The following TGM6 variants were observed in gnomAD, a reference collection of about 807,000 sequenced individuals.
TGM6 encodes protein-glutamine gamma-glutamyltransferase 6.
TGM6 carries 74 observed loss-of-function variants against 77.5 expected under a neutral mutation model. That is an observed-to-expected ratio of 0.96 (90% CI 0.79 to 1.16). The LOEUF (loss-of-function observed/expected upper bound fraction) is 1.16, where lower values mean the gene tolerates loss of function less well. Ranked by LOEUF, TGM6 falls within the 50% of genes most tolerant of loss-of-function variation. The probability of loss-of-function intolerance (pLI) is 0.00; values close to 1 mark genes in which losing one functional copy is unlikely to be tolerated. For missense variants in TGM6, 968 were observed against 940.2 expected (o/e 1.03, Z -0.39); for synonymous variants, 383 against 378.9 (o/e 1.01, Z -0.12).
At chr20:2,396,385 A>C in intron 3 of TGM6, 121 bp from the exon 4 acceptor site, 4 of 952,554 alleles carry the variant, frequency 4.2e-6, no homozygotes, top group South Asian at 3.9e-5. Context: ...CCCCCTCTTG[A>C]CCTCTCCTGC....
At chr20:2,402,608 G>A (rs905706284) in intron 7 of TGM6, among the ~76,000 whole-genome samples, 10 of 152,204 alleles carry the variant, frequency 6.6e-5, no homozygotes, top group African/African-American at 9.6e-5. Context: ...GTTGCCTGCC[G>A]AAGAGGAGTT....
intron 9 of TGM6, among the ~76,000 whole-genome samples, chr20:2,414,300 G>A (rs543706707): frequency 1.3e-5 from 2 of 152,260 alleles, no homozygotes; most frequent in African/African-American, 4.8e-5. Flanking sequence ...TGGCCAATAA[G>A]CACATAAAAA....
intron 1 of TGM6, among the ~76,000 whole-genome samples, chr20:2,391,470 C>T (rs992504857): frequency 6.6e-6 from 1 of 151,284 alleles, no homozygotes; most frequent in Non-Finnish European, 1.5e-5. Context: ...GAGTCTGATG[C>T]AGCCAGTGCA....
intron 10 of TGM6, among the ~76,000 whole-genome samples, chr20:2,427,919 A>G (rs907184313): frequency 4.6e-5 from 7 of 152,072 alleles, no homozygotes; most frequent in Non-Finnish European, 1.0e-4. Flanking sequence ...ACAAATTTTG[A>G]TAAGTTGTAG....
At chr20:2,395,743 A>G (rs1599948427) in intron 3 of TGM6, among the ~76,000 whole-genome samples, 1 of 152,174 alleles carries the variant, frequency 6.6e-6, no homozygotes. Context: ...ACCAGTCTCC[A>G]TTTCCTCATC....
At chr20:2,425,203 C>T (rs1254306049) in intron 10 of TGM6, among the ~76,000 whole-genome samples, 1 of 152,012 alleles carries the variant, frequency 6.6e-6, no homozygotes, top group African/African-American at 2.4e-5. Flanking sequence ...AAAATACCTG[C>T]TGGGTGTGGT....
intron 10 of TGM6, among the ~76,000 whole-genome samples, chr20:2,418,774 G>C (rs1217713363): frequency 6.6e-6 from 1 of 152,164 alleles, no homozygotes; most frequent in Non-Finnish European, 1.5e-5. Flanking sequence ...TATTCCAACT[G>C]TTTCTTTAAA....
intron 10 of TGM6, among the ~76,000 whole-genome samples, chr20:2,418,200 AG>A (rs1396098408): frequency 9.9e-5 from 15 of 152,140 alleles, no homozygotes; most frequent in Non-Finnish European, 1.9e-4. Flanking sequence ...TTTAGTAGAG[AG>A]GGGGTTTCAT....
intron 9 of TGM6, among the ~76,000 whole-genome samples, chr20:2,405,145 G>T (rs568002166): frequency 4.6e-5 from 7 of 152,244 alleles, no homozygotes; most frequent in African/African-American, 1.7e-4. Context: ...TTCCCACTCG[G>T]CCTCTCATGT....
intron 7 of TGM6, among the ~76,000 whole-genome samples, chr20:2,401,368 G>C (rs1461813682): frequency 6.6e-6 from 1 of 152,098 alleles, no homozygotes; most frequent in Non-Finnish European, 1.5e-5. Context: ...CACTATCACT[G>C]TCTGCTACAT....
At chr20:2,382,378 A>G (rs2122317587) in intron 1 of TGM6, among the ~76,000 whole-genome samples, 3 of 152,254 alleles carry the variant, frequency 2.0e-5, no homozygotes, top group Admixed American at 2.0e-4. Context: ...TGTTCCTCCA[A>G]GATCTGCTTC....
intron 7 of TGM6, among the ~76,000 whole-genome samples, chr20:2,403,005 T>C (rs2084721648): frequency 6.6e-6 from 1 of 152,214 alleles, no homozygotes; most frequent in Admixed American, 6.5e-5. Flanking sequence ...CTAGAGTAGG[T>C]CTATAGGGGT....
In TGM6 at chr20:2,424,231, A is replaced by G. The variant is rs546609022; in HGVS notation, c.1679-6215A>G. On this transcript the variant is annotated intron_variant, in intron 10 of 12. Transcript: ENST00000202625. ...GCCAGGCATTGACTTCTGTCCCGCTATGAAAGTCCTAGATGGCATCTTCTT... is the reference window on the plus strand; with the variant it reads ...GCCAGGCATTGACTTCTGTCCCGCTGTGAAAGTCCTAGATGGCATCTTCTT... Among the ~76,000 whole-genome samples the G allele has an allele frequency of 4.9e-4, 74 of 152,346 alleles. 2 individuals are homozygous for G. The South Asian group carries it at 0.013, about 26-fold the overall frequency.
intron 10 of TGM6, among the ~76,000 whole-genome samples, chr20:2,423,329 C>T (rs193075343): frequency 4.0e-4 from 60 of 151,876 alleles, no homozygotes; most frequent in African/African-American, 1.4e-3. Context: ...TGGAGTCAAT[C>T]CTCTCAAACC....
chr20:2,390,848 C>T (rs1599945096), intron 1 of TGM6, among the ~76,000 whole-genome samples: 1 of 152,136 alleles, frequency 6.6e-6, no homozygotes, highest in East Asian at 1.9e-4. Context: ...GAGTGATCCA[C>T]ATACAGGGAA....
Position 2,403,401 on chromosome 20 carries a change from TTCCATG to T in TGM6, c.997_1002del (p.His333_Val334del). ...CCCATCCTCTCTCTGTGGCAGGAAT[TTCCATG>T]TCTGGAATGAGAGCTGGTTTGCCCG... On this transcript the variant is annotated inframe_deletion, in exon 8 of 13. Transcript: ENST00000202625. 1 of 1,614,156 alleles carries T rather than the reference TTCCATG, an allele frequency of 6.2e-7. No individual in the cohort carries two copies. Among genetic ancestry groups the T allele is most frequent in the East Asian group, 2.2e-5 (1 of 44,868 alleles).
chr20:2,386,948 C>G (rs962730617), intron 1 of TGM6, among the ~76,000 whole-genome samples: 2 of 152,146 alleles, frequency 1.3e-5, no homozygotes, highest in African/African-American at 4.8e-5. Context: ...GCAACCTCGT[C>G]GTCTGCTTCT....
rs1470843234 is a variant in TGM6, at chr20:2,400,329, A to C, written c.874A>C (p.Thr292Pro). ...CTVLRCLGIA[T>P]RVVSNFNSAH... ...AGTCCTCAGGTGCTTGGGGATAGCC[A>C]CACGGGTCGTGTCCAACTTCAACTC... Residue 292 changes from threonine (T) to proline (P), a missense_variant, in exon 7 of 13, where the codon ACA becomes CCA. Thr to Pro is a conservative substitution (Grantham distance 38, BLOSUM62 -1). Coordinates refer to ENST00000202625, the MANE Select transcript of TGM6 (RefSeq NM_198994.3). The C allele has an allele frequency of 6.2e-7, 1 of 1,614,216 alleles. No individual in the cohort carries two copies. The highest frequency in any genetic ancestry group is 8.5e-7 in the Non-Finnish European group (1 of 1,180,042).
chr20:2,390,588 A>G (rs2084623539), intron 1 of TGM6, among the ~76,000 whole-genome samples: 1 of 152,250 alleles, frequency 6.6e-6, no homozygotes, highest in South Asian at 2.1e-4. Flanking sequence ...CTAATGAACA[A>G]AACAGACACA....
Sources: allele counts gnomAD v4.1 joint callset (sites outside exome capture counted in the v4.1 genomes callset), GRCh38; gene constraint gnomAD v4.1.1; transcripts MANE v1.5; gene names NCBI Gene and HGNC (gene_info 2026-07-23, HGNC 2026-07-21).